MAD1L1: variants seen among roughly 807,000 people sequenced by gnomAD.
MAD1L1 encodes mitotic arrest deficient 1 like 1, also known as mitotic spindle assembly checkpoint protein MAD1.
Under a neutral mutation model 96.9 loss-of-function variants are expected in MAD1L1, and 95 were observed. The observed-to-expected ratio is 0.98, with a 90% CI of 0.83 to 1.16. The LOEUF (loss-of-function observed/expected upper bound fraction) is 1.16. Ranked by LOEUF, MAD1L1 falls within the 50% of genes most tolerant of loss-of-function variation. MAD1L1 has a pLI of 0.00. For missense variants in MAD1L1, 1,007 were observed against 954.4 expected (o/e 1.06, Z -0.73); for synonymous variants, 473 against 396.6 (o/e 1.19, Z -2.29).
intron 12 of MAD1L1, among the ~76,000 whole-genome samples, chr7:2,056,739 A>C (rs1784402964): frequency 6.6e-6 from 1 of 152,212 alleles, no homozygotes; most frequent in Non-Finnish European, 1.5e-5. Flanking sequence ...TGTGGCTCCA[A>C]GAGGCAGCCC....
intron 18 of MAD1L1, among the ~76,000 whole-genome samples, chr7:1,887,304 C>A (rs1393183970): frequency 1.3e-5 from 2 of 149,050 alleles, no homozygotes; most frequent in Non-Finnish European, 3.0e-5. Context: ...TGTGTGTGGG[C>A]ATGTGTGTGC....
chr7:2,213,746 C>A (rs764718200), intron 9 of MAD1L1, among the ~76,000 whole-genome samples: 1 of 152,196 alleles, frequency 6.6e-6, no homozygotes, highest in Non-Finnish European at 1.5e-5. Flanking sequence ...GACCAGCAGG[C>A]CCTAGGAGAG....
intron 12 of MAD1L1, among the ~76,000 whole-genome samples, chr7:2,061,886 G>A (rs758977641): frequency 1.3e-5 from 2 of 152,308 alleles, no homozygotes; most frequent in Admixed American, 6.5e-5. Context: ...CAAAGATAAC[G>A]TGTAATGGAA....
chr7:1,897,663 C>A (rs535983353), intron 18 of MAD1L1, among the ~76,000 whole-genome samples: 156 of 152,374 alleles, frequency 1.0e-3, no homozygotes, highest in African/African-American at 3.5e-3. Context: ...CCCAGTCTGG[C>A]TTCACCAGCA....
chr7:2,001,245 G>A (rs1020455996), intron 14 of MAD1L1, among the ~76,000 whole-genome samples: 2 of 152,270 alleles, frequency 1.3e-5, no homozygotes, highest in African/African-American at 4.8e-5. Context: ...TGTGACCCAG[G>A]CCAGCCTGAC....
At chr7:2,136,697 G>A (rs1009020449) in intron 11 of MAD1L1, among the ~76,000 whole-genome samples, 64 of 152,108 alleles carry the variant, frequency 4.2e-4, no homozygotes, top group African/African-American at 1.4e-3. Context: ...GCATCTCCTC[G>A]GGGCTCAGCA....
intron 16 of MAD1L1, among the ~76,000 whole-genome samples, chr7:1,951,564 C>A (rs1324761808): frequency 6.6e-6 from 1 of 152,204 alleles, no homozygotes; most frequent in Non-Finnish European, 1.5e-5. Flanking sequence ...CAGGCTAAAG[C>A]CCACATCCAT....
In MAD1L1 at chr7:1,968,611, G is replaced by GTCAACGCCTCAGTCCGGCAGTCAGGTCCA. The variant is rs1780276631; in HGVS notation, c.1506-10893_1506-10892insTGGACCTGACTGCCGGACTGAGGCGTTGA. Among the ~76,000 whole-genome samples the GTCAACGCCTCAGTCCGGCAGTCAGGTCCA allele has an allele frequency of 6.7e-6, 1 of 149,864 alleles. No individual in the cohort carries two copies. The highest frequency in any genetic ancestry group is 2.5e-5 in the African/African-American group (1 of 40,654). ...ACGCCTCAGTCCGGCAGTCAGGTCC[G>GTCAACGCCTCAGTCCGGCAGTCAGGTCCA]CTGTCAACGCCTCAGTCCAGCGGTC... On this transcript the variant is annotated intron_variant, in intron 15 of 18. Transcript: ENST00000265854. The surrounding 1 kb of genome is among the most constrained non-coding windows in gnomAD (Gnocchi z 5.6).
intron 18 of MAD1L1, among the ~76,000 whole-genome samples, chr7:1,822,105 A>C (rs1294912713): frequency 6.6e-6 from 1 of 152,138 alleles, no homozygotes; most frequent in African/African-American, 2.4e-5. Context: ...CTGGAACACT[A>C]AGTGAGTCCA....
At chr7:1,854,251 G>C (rs909360996) in intron 18 of MAD1L1, 1 of 368,302 alleles carries the variant, frequency 2.7e-6, no homozygotes, top group Admixed American at 3.7e-5. Flanking sequence ...CTCGGTGTTG[G>C]GTACTGAGCC....
intron 10 of MAD1L1, among the ~76,000 whole-genome samples, chr7:2,149,666 G>A (rs1229945350): frequency 1.3e-5 from 2 of 152,120 alleles, no homozygotes; most frequent in African/African-American, 2.4e-5. Flanking sequence ...CAGGTGTAGC[G>A]CTTTCTACTT....
intron 12 of MAD1L1, among the ~76,000 whole-genome samples, chr7:2,015,888 G>GCTCTCAGC (rs968332131): frequency 2.0e-5 from 3 of 152,224 alleles, no homozygotes; most frequent in Non-Finnish European, 4.4e-5. Flanking sequence ...TCTAACTGAT[G>GCTCTCAGC]CTCTCAGCAG....
chr7:1,933,362 C>G (rs1168486341), intron 17 of MAD1L1, among the ~76,000 whole-genome samples: 1 of 152,148 alleles, frequency 6.6e-6, no homozygotes, highest in Non-Finnish European at 1.5e-5. Flanking sequence ...GAGGTCTTTC[C>G]ACCATAGCCT....
intron 10 of MAD1L1, among the ~76,000 whole-genome samples, chr7:2,182,189 T>G (rs183803671): frequency 7.9e-5 from 12 of 152,132 alleles, no homozygotes; most frequent in Admixed American, 3.9e-4. Context: ...GATCATAAAA[T>G]GTAACTGGAA....
intron 15 of MAD1L1, among the ~76,000 whole-genome samples, chr7:1,971,114 T>C (rs1450836430): frequency 6.6e-6 from 1 of 151,890 alleles, no homozygotes; most frequent in Non-Finnish European, 1.5e-5. Context: ...GTGAATATCC[T>C]TAAACCCCGT....
At chr7:2,046,697 G>A (rs1783936919) in intron 12 of MAD1L1, among the ~76,000 whole-genome samples, 2 of 152,174 alleles carry the variant, frequency 1.3e-5, no homozygotes, top group Admixed American at 1.3e-4. Context: ...AAAGGGGTGA[G>A]CGCTGCCCGC....
intron 12 of MAD1L1, among the ~76,000 whole-genome samples, chr7:2,015,421 GA>G (rs962581059): frequency 2.0e-5 from 3 of 152,220 alleles, no homozygotes; most frequent in African/African-American, 4.8e-5. Flanking sequence ...GAGCCGGGCA[GA>G]AACCCCTGCT....
rs370714905 is a variant in MAD1L1, at chr7:2,206,056, T to C, written c.986+7156A>G. ...CTGAGGCTGGAGGATTGCTTGAACCTGGGAGGCGGAGGTTGCAGTGAGCCA... is the reference window on the plus strand; with the variant it reads ...CTGAGGCTGGAGGATTGCTTGAACCCGGGAGGCGGAGGTTGCAGTGAGCCA... On this transcript the variant is annotated intron_variant, in intron 10 of 18. Transcript: ENST00000265854. Among the ~76,000 whole-genome samples, 779 of 152,256 alleles carry C rather than the reference T, an allele frequency of 5.1e-3. 8 individuals are homozygous for C. The highest frequency in any genetic ancestry group is 0.018 in the African/African-American group (736 of 41,524).
chr7:2,018,883 C>T (rs1782660265), intron 12 of MAD1L1, among the ~76,000 whole-genome samples: 1 of 152,140 alleles, frequency 6.6e-6, no homozygotes, highest in African/African-American at 2.4e-5. Flanking sequence ...CTGTTCTGCA[C>T]ATGCGACATT....
Sources: allele counts gnomAD v4.1 joint callset (sites outside exome capture counted in the v4.1 genomes callset), GRCh38; gene constraint gnomAD v4.1.1; non-coding constraint Gnocchi (gnomAD v3.1); transcripts MANE v1.5; gene names NCBI Gene and HGNC (gene_info 2026-07-23, HGNC 2026-07-21).